MYB: variants seen among roughly 807,000 people sequenced by gnomAD.
MYB encodes the protein MYB proto-oncogene, transcription factor.
In MYB, 28 loss-of-function variants were observed where a neutral mutation model predicts 92.9. The ratio of observed to expected loss-of-function variants is 0.30; its 90% CI spans 0.22 to 0.41. The LOEUF (loss-of-function observed/expected upper bound fraction) is 0.41. MYB is among the 10% of genes least tolerant of loss of function. MYB has a pLI of 1.00. For missense variants in MYB, 679 were observed against 929.3 expected (o/e 0.73, Z 3.50); for synonymous variants, 295 against 329.1 (o/e 0.90, Z 1.12).
intron 15 of MYB, among the ~76,000 whole-genome samples, chr6:135,210,099 G>A (rs1480064368): frequency 6.6e-6 from 1 of 152,180 alleles, no homozygotes; most frequent in Non-Finnish European, 1.5e-5. Context: ...TTTCCTCAGC[G>A]TGCTTTCCAT....
chr6:135,205,358 G>A (rs934262779), intron 15 of MYB, among the ~76,000 whole-genome samples: 2 of 151,538 alleles, frequency 1.3e-5, no homozygotes, highest in Non-Finnish European at 2.9e-5. Flanking sequence ...TTCTAACCTA[G>A]TCTGGGGCCA....
rs746567028 is a variant in MYB at position 135,199,016 on chromosome 6, G to C, written c.1675G>C (p.Asp559His). ...GACTGTTACAACACCATTTCATAGAGACCAGACTGTGAAAACTCAAAAGGA... is the reference window on the plus strand; with the variant it reads ...GACTGTTACAACACCATTTCATAGACACCAGACTGTGAAAACTCAAAAGGA... ...KLTVTTPFHR[D>H]QTVKTQKENT... The change falls in exon 11 of 16, where the codon GAC becomes CAC. Residue 559 changes from aspartate to histidine, a missense_variant. Physicochemically the swap from Asp to His is moderately conservative, Grantham distance 81. This residue lies in a region of MYB where 402 missense variants were observed against 434.2 expected (regional missense o/e 0.93). Coordinates refer to ENST00000341911, the MANE Select transcript of MYB (RefSeq NM_001130173.2). 5 of 1,607,772 alleles carry C rather than the reference G, an allele frequency of 3.1e-6. No individual in the cohort carries two copies. The Admixed American group carries it at 6.8e-5, about 22-fold the overall frequency.
intron 15 of MYB, among the ~76,000 whole-genome samples, chr6:135,210,890 A>T (rs537942217): frequency 8.5e-5 from 13 of 152,234 alleles, no homozygotes; most frequent in African/African-American, 3.1e-4. Flanking sequence ...AGCCCTCACC[A>T]AAGGCCAGGG....
intron 14 of MYB, among the ~76,000 whole-genome samples, chr6:135,202,131 C>T (rs1215494303): frequency 3.9e-5 from 6 of 152,230 alleles, no homozygotes; most frequent in African/African-American, 1.4e-4. Context: ...ATGGTATCAA[C>T]CACGTTGTCT....
In MYB at chr6:135,200,522, T is replaced by C. The variant is rs1416554044; in HGVS notation, c.1950+107T>C. On this transcript the variant is annotated intron_variant, in intron 13 of 15. Coordinates refer to ENST00000341911, the MANE Select transcript of MYB (RefSeq NM_001130173.2). ...TTGGCACTGTGCAACACCACGACTT[T>C]TCGTGCAAGATTTTCATACAAGGTG... 3.3e-6 allele frequency: 5 copies of C among 1,508,716 alleles called. No homozygotes were observed. The South Asian group carries it at 4.5e-5, about 14-fold the overall frequency. The allele number at this position is 1,508,716 out of a possible 1,614,324, so 93.5% of individuals were successfully genotyped here. A position where few individuals can be genotyped will look rare whatever the true frequency, so the allele number is the denominator to read the frequency against.
At chr6:135,216,963 C>T (rs750509899) in intron 15 of MYB, among the ~76,000 whole-genome samples, 24 of 152,142 alleles carry the variant, frequency 1.6e-4, no homozygotes, top group Non-Finnish European at 2.6e-4. Flanking sequence ...ACCTGCCTCC[C>T]GAGGTGATGG....
chr6:135,185,992 T>C lies in MYB; in HGVS notation c.113T>C (p.Leu38Ser). Residue 38 changes from leucine to serine, a missense_variant, in exon 2 of 16, where the codon TTG (leucine) becomes TCG (serine). Physicochemically the swap from Leu to Ser is moderately radical, Grantham distance 145. Around this residue, in one of 8 missense-constraint regions of MYB, gnomAD observed 88 missense variants for 145.6 expected, o/e 0.60. Transcript: ENST00000341911. ...CTTCCCAAGTCTGGAAAGCGTCACT[T>C]GGGGAAAACAAGGTGGACCCGGGAA... is the stretch of plus-strand genomic sequence containing the variant. ...GLLPKSGKRHLGKTRWTREED... is the reference protein window; with the variant it reads ...GLLPKSGKRHSGKTRWTREED... 2.5e-6 allele frequency: 4 copies of C among 1,614,132 alleles called. No homozygotes were observed. The highest frequency in any genetic ancestry group is 3.4e-6 in the Non-Finnish European group (4 of 1,180,000).
chr6:135,201,661 C>T lies in MYB; in HGVS notation c.1973C>T (p.Ser658Leu), dbSNP rs778940362. 1.1e-5 allele frequency: 18 copies of T among 1,604,290 alleles called. No homozygotes were observed. The highest frequency in any genetic ancestry group is 1.7e-5 in the Admixed American group (1 of 59,244). ...KQEVESPTDKSGNFFCSHHWE... is the reference protein window; with the variant it reads ...KQEVESPTDKLGNFFCSHHWE... ...TAGGTGGAATCTCCAACTGATAAAT[C>T]AGGAAACTTCTTCTGCTCACACCAC... Residue 658 changes from serine to leucine, a missense_variant, in exon 14 of 16, where the codon TCA (serine) becomes TTA (leucine). By Grantham distance (145) the Ser-to-Leu change is moderately radical. Around this residue, in one of 8 missense-constraint regions of MYB, gnomAD observed 402 missense variants for 434.2 expected, o/e 0.93. Transcript: ENST00000341911.
chr6:135,214,703 C>G (rs1351077850), intron 15 of MYB, among the ~76,000 whole-genome samples: 1 of 152,212 alleles, frequency 6.6e-6, no homozygotes, highest in African/African-American at 2.4e-5. Context: ...GTTGTAGCGA[C>G]TACAAATGCA....
At chr6:135,187,791 T>C in intron 2 of MYB, 43 bp from the exon 3 acceptor site, 2 of 1,373,430 alleles carry the variant, frequency 1.5e-6, no homozygotes, top group South Asian at 1.3e-5. Context: ...CAGAGTTATA[T>C]AGTAAATAAC....
In MYB at chr6:135,182,324, G is replaced by T. The variant is rs769690948; in HGVS notation, c.23+788G>T. 6.6e-6 allele frequency among the ~76,000 whole-genome samples: 1 copy of T among 152,192 alleles called. No homozygotes were observed. The highest frequency in any genetic ancestry group is 1.5e-5 in the Non-Finnish European group (1 of 68,022). On this transcript the variant is annotated intron_variant, in intron 1 of 15. Transcript: ENST00000341911. The surrounding 1 kb of genome is among the most constrained non-coding windows in gnomAD (Gnocchi z 5.6). ...GAGGAGGAGGAGGAGGGAAATCCTC[G>T]TCCGAACTGTCAGTTGCTCGTTCCC...
intron 15 of MYB, among the ~76,000 whole-genome samples, chr6:135,208,024 G>T (rs920861075): frequency 6.7e-6 from 1 of 149,986 alleles, no homozygotes; most frequent in Non-Finnish European, 1.5e-5. Context: ...ACCACGCCTG[G>T]GCTACCTCAT....
Position 135,181,910 on chromosome 6 carries a change from G to GC in MYB, c.23+375dup, listed in dbSNP as rs1383905411. ...CGCGGGTGTCGGCGAGGGATCCGCA[G>GC]CGTAATTGCTGGATGCATTGAGATA... On this transcript the variant is annotated intron_variant, in intron 1 of 15. Coordinates refer to ENST00000341911, the MANE Select transcript of MYB (RefSeq NM_001130173.2). This position sits in a 1 kb window ranked among gnomAD's most constrained non-coding sequence, Gnocchi z 5.3. 6.6e-6 allele frequency among the ~76,000 whole-genome samples: 1 copy of GC among 152,240 alleles called. No individual in the cohort carries two copies. The highest frequency in any genetic ancestry group is 1.5e-5 in the Non-Finnish European group (1 of 68,046).
rs1249393095 is a variant in MYB at position 135,189,804 on chromosome 6, T to G, written c.227T>G (p.Val76Gly). The change falls in exon 4 of 16, where the codon GTG becomes GGG. Residue 76 changes from valine (V) to glycine (G), a missense_variant. By Grantham distance (109) the Val-to-Gly change is moderately radical. Around this residue, in one of 8 missense-constraint regions of MYB, gnomAD observed 88 missense variants for 145.6 expected, o/e 0.60. Transcript: ENST00000341911. ...IANYLPNRTD[V>G]QCQHRWQKVL... Reference sequence around the variant, plus strand: ...TTATTTGTCTAGAATCGAACAGATGTGCAGTGCCAGCACCGATGGCAGAAA... The same window carrying G: ...TTATTTGTCTAGAATCGAACAGATGGGCAGTGCCAGCACCGATGGCAGAAA... The G allele has an allele frequency of 6.2e-7, 1 of 1,613,840 alleles. No individual in the cohort carries two copies. Among genetic ancestry groups the G allele is most frequent in the African/African-American group, 1.3e-5 (1 of 74,936 alleles).
chr6:135,195,703 T>C, intron 8 of MYB, 45 bp from the exon 9 acceptor site: 1 of 1,598,474 alleles, frequency 6.3e-7, no homozygotes, highest in Non-Finnish European at 8.6e-7. Context: ...CCTTCTCCCT[T>C]TCTTCTGTCC....
chr6:135,184,792 C>G lies in MYB; in HGVS notation c.24-1111C>G, dbSNP rs531062763. 5.9e-5 allele frequency among the ~76,000 whole-genome samples: 9 copies of G among 152,132 alleles called. No individual in the cohort carries two copies. In the South Asian group the frequency reaches 1.5e-3, roughly 25 times the overall value. The stretch of plus-strand genomic sequence containing the variant: ...TTATTGGTCTTAGTTTAATGGGTTT[C>G]CCAACATTGCAATGACAAATTTTAG... On this transcript the variant is annotated intron_variant, in intron 1 of 15. Transcript: ENST00000341911.
At chr6:135,201,348 C>T (rs1297311054) in intron 13 of MYB, among the ~76,000 whole-genome samples, 1 of 152,168 alleles carries the variant, frequency 6.6e-6, no homozygotes, top group Non-Finnish European at 1.5e-5. Flanking sequence ...TACAACACTA[C>T]TAGGTGTATC....
chr6:135,187,551 CA>C (rs1465910726), intron 2 of MYB, among the ~76,000 whole-genome samples: 1 of 152,162 alleles, frequency 6.6e-6, no homozygotes, highest in Non-Finnish European at 1.5e-5. Context: ...ATGTAATCCC[CA>C]AATAACCCTG....
At chr6:135,211,928 A>G (rs997880770) in intron 15 of MYB, among the ~76,000 whole-genome samples, 1 of 152,214 alleles carries the variant, frequency 6.6e-6, no homozygotes, top group African/African-American at 2.4e-5. Context: ...TTTGGTAACC[A>G]TTAATCTTAC....
Sources: allele counts gnomAD v4.1 joint callset (sites outside exome capture counted in the v4.1 genomes callset), GRCh38; gene constraint gnomAD v4.1.1; regional missense constraint gnomAD v4.1.1; non-coding constraint Gnocchi (gnomAD v3.1); transcripts MANE v1.5; gene names NCBI Gene and HGNC (gene_info 2026-07-23, HGNC 2026-07-21).